The following RFX2 variants were observed in gnomAD, a reference collection of about 807,000 sequenced individuals.
RFX2 encodes regulatory factor X2.
A neutral mutation model predicts 87.8 loss-of-function variants in RFX2; 20 were observed. That is an observed-to-expected ratio of 0.23 (90% confidence interval 0.16 to 0.33). The LOEUF (loss-of-function observed/expected upper bound fraction) is 0.33, where lower values mean the gene tolerates loss of function less well. Among genes scored for constraint, RFX2 ranks in the 10% least tolerant of loss-of-function variants. The pLI is 1.00. For synonymous variants in RFX2, 397 were observed against 431.3 expected (o/e 0.92, Z 0.98); for missense variants, 767 against 1,012.3 (o/e 0.76, Z 3.29).
In RFX2 at chr19:5,997,004, C is replaced by T; in HGVS notation, c.2013+56G>A. 1.3e-6 allele frequency: 2 copies of T among 1,553,590 alleles called. No individual in the cohort carries two copies. Among genetic ancestry groups the T allele is most frequent in the Middle Eastern group, 1.7e-4 (1 of 5,740 alleles). The stretch of plus-strand genomic sequence containing the variant: ...TCTCTGGGCTGCTCAGAGCACACCG[C>T]CCTCTCCCCACAGGCCCGGCCAAGC... On this transcript the variant is annotated intron_variant, in intron 16 of 17. Coordinates refer to ENST00000303657, the MANE Select transcript of RFX2 (RefSeq NM_000635.4). This position sits in a 1 kb window ranked among gnomAD's most constrained non-coding sequence, Gnocchi z 4.2.
chr19:6,003,469 A>G (rs976581866), intron 13 of RFX2, among the ~76,000 whole-genome samples: 3 of 151,984 alleles, frequency 2.0e-5, no homozygotes, highest in African/African-American at 7.2e-5. Context: ...CTCTCACCCA[A>G]GAGCCCTTCA....
chr19:5,994,894 C>A lies in RFX2; in HGVS notation c.2113G>T (p.Gly705Cys). 1 of 1,610,450 alleles carries A rather than the reference C, an allele frequency of 6.2e-7. No individual in the cohort carries two copies. ...CGCTCCCGCTTTACCAGGGGCTCAC[C>A]CAGGCTGCGGGCGTCTGGGCCCGCC... ...SEAGPDARSL[G>C]EPLVKRERSD... Residue 705 changes from glycine (G) to cysteine (C), a missense_variant, in exon 18 of 18, where the codon GGT (glycine) becomes TGT (cysteine). Coordinates refer to ENST00000303657, the MANE Select transcript of RFX2 (RefSeq NM_000635.4).
chr19:6,032,492 G>C (rs2086965489), intron 5 of RFX2, among the ~76,000 whole-genome samples: 1 of 152,196 alleles, frequency 6.6e-6, no homozygotes, highest in Non-Finnish European at 1.5e-5. Flanking sequence ...AGGCAGAGTG[G>C]TAAATCATAG....
chr19:6,006,460 ATTTTT>A (rs35404707), intron 12 of RFX2, among the ~76,000 whole-genome samples: 3 of 108,564 alleles, frequency 2.8e-5, no homozygotes, highest in Admixed American at 9.2e-5. Context: ...TGCCCAGCTC[ATTTTT>A]TTTTTTTTTT....
rs2086653018 is a variant in RFX2 at position 6,011,010 on chromosome 19, G to T, written c.900-759C>A. On this transcript the variant is annotated intron_variant, in intron 8 of 17. Transcript: ENST00000303657. This position sits in a 1 kb window ranked among gnomAD's most constrained non-coding sequence, Gnocchi z 4.8. ...GCATGCCTTTAATCCCAGCGACTCA[G>T]GAGGCTGAGGCAGGAGAATCACTTG... Among the ~76,000 whole-genome samples the T allele has an allele frequency of 6.6e-6, 1 of 152,212 alleles. No homozygotes were observed. The highest frequency in any genetic ancestry group is 2.1e-4 in the South Asian group (1 of 4,822).
chr19:6,087,231 C>T (rs1030572634), intron 1 of RFX2, among the ~76,000 whole-genome samples: 2 of 152,076 alleles, frequency 1.3e-5, no homozygotes, highest in African/African-American at 4.8e-5. Flanking sequence ...AGGGGCGAAG[C>T]GAGACGCACA....
At chr19:6,104,669 G>C (rs533351433) in intron 1 of RFX2, among the ~76,000 whole-genome samples, 3 of 152,074 alleles carry the variant, frequency 2.0e-5, no homozygotes, top group African/African-American at 7.2e-5. Flanking sequence ...AGCCTCCCAG[G>C]TAGCTGAGAT....
At chr19:6,081,293 G>A (rs752612322) in intron 1 of RFX2, among the ~76,000 whole-genome samples, 3 of 152,202 alleles carry the variant, frequency 2.0e-5, no homozygotes, top group Non-Finnish European at 4.4e-5. Context: ...AGGATTGATT[G>A]AGGCCAACCA....
At chr19:6,000,260 C>T (rs2086473877) in intron 15 of RFX2, among the ~76,000 whole-genome samples, 2 of 152,230 alleles carry the variant, frequency 1.3e-5, no homozygotes, top group African/African-American at 2.4e-5. Context: ...GTGGGGATTA[C>T]AGGCATGAGC....
At position 6,002,389 on chromosome 19, in the gene RFX2, G is replaced by A. The variant is rs992976933; in HGVS notation, c.1650+332C>T. On this transcript the variant is annotated intron_variant, in intron 14 of 17. Coordinates refer to ENST00000303657, the MANE Select transcript of RFX2 (RefSeq NM_000635.4). The surrounding 1 kb of genome is among the most constrained non-coding windows in gnomAD (Gnocchi z 6.7). ...CATAGCTCGGAAGCTGCTGTGGGCC[G>A]ACACTTTGCCAAGCCCAGGGGACAG... is the stretch of plus-strand genomic sequence containing the variant. Among the ~76,000 whole-genome samples the A allele has an allele frequency of 1.3e-5, 2 of 152,262 alleles. No individual in the cohort carries two copies. The highest frequency in any genetic ancestry group is 4.8e-5 in the African/African-American group (2 of 41,470).
chr19:6,026,213 G>C lies in RFX2; in HGVS notation c.547C>G (p.Gln183Glu). ...TGTGATGTGATTCCTTCGCTTTTTTGGAGGTTTTCAATCGCCATTTCAAGC... is the reference window on the plus strand; with the variant it reads ...TGTGATGTGATTCCTTCGCTTTTTTCGAGGTTTTCAATCGCCATTTCAAGC... ...ATLEMAIENL[Q>E]KSEGITSHKS... is the part of the protein sequence containing the mutation. Residue 183 changes from glutamine to glutamate, a missense_variant, in exon 6 of 18, where the codon CAA becomes GAA. Gln to Glu is a conservative substitution (Grantham distance 29). This residue lies in a region of RFX2 where 621 missense variants were observed against 873.0 expected (regional missense o/e 0.71). Coordinates refer to ENST00000303657, the MANE Select transcript of RFX2 (RefSeq NM_000635.4). The surrounding 1 kb of genome is among the most constrained non-coding windows in gnomAD (Gnocchi z 4.5). 1 of 1,613,052 alleles carries C rather than the reference G, an allele frequency of 6.2e-7. No homozygotes were observed. The highest frequency in any genetic ancestry group is 8.5e-7 in the Non-Finnish European group (1 of 1,179,732).
At position 5,995,595 on chromosome 19, in the gene RFX2, A is replaced by T. The variant is rs2086395897; in HGVS notation, c.2056+6T>A. On this transcript the variant is annotated splice_donor_region_variant and intron_variant, in intron 17 of 17. Transcript: ENST00000303657. Reference sequence around the variant, plus strand: ...GTCGTGGTGGGAAAGCCGCAGACGCACCTACCTTTGTCGAGCAGCGTCAGC... The same window carrying T: ...GTCGTGGTGGGAAAGCCGCAGACGCTCCTACCTTTGTCGAGCAGCGTCAGC... 1 of 1,551,944 alleles carries T rather than the reference A, an allele frequency of 6.4e-7. No homozygotes were observed. The highest frequency in any genetic ancestry group is 8.7e-7 in the Non-Finnish European group (1 of 1,147,198).
In RFX2 at chr19:6,063,547, T is replaced by C. The variant is rs2087469405; in HGVS notation, c.-8-16043A>G. Among the ~76,000 whole-genome samples the C allele has an allele frequency of 6.6e-6, 1 of 152,090 alleles. No homozygotes were observed. The highest frequency in any genetic ancestry group is 6.5e-5 in the Admixed American group (1 of 15,284). On this transcript the variant is annotated intron_variant, in intron 1 of 17. Coordinates refer to ENST00000303657, the MANE Select transcript of RFX2 (RefSeq NM_000635.4). This position sits in a 1 kb window ranked among gnomAD's most constrained non-coding sequence, Gnocchi z 4.0. Reference sequence around the variant, plus strand: ...CTGGGCAGCCCTCTGTCCCTCAAAGTCCACCCGCCCATGACAGCTAAGATT... The same window carrying C: ...CTGGGCAGCCCTCTGTCCCTCAAAGCCCACCCGCCCATGACAGCTAAGATT...
intron 1 of RFX2, among the ~76,000 whole-genome samples, chr19:6,065,220 A>G (rs1033032429): frequency 3.9e-5 from 6 of 152,170 alleles, no homozygotes; most frequent in Middle Eastern, 3.2e-3. Flanking sequence ...TTGCAGGACA[A>G]ATAATGTATT....
At chr19:6,018,255 C>T (rs2086757882) in intron 6 of RFX2, among the ~76,000 whole-genome samples, 1 of 152,214 alleles carries the variant, frequency 6.6e-6, no homozygotes, top group Admixed American at 6.5e-5. Flanking sequence ...CAGGCGTGAG[C>T]CACCGCGCCC....
At chr19:6,107,014 G>A (rs1287704678) in intron 1 of RFX2, among the ~76,000 whole-genome samples, 2 of 151,866 alleles carry the variant, frequency 1.3e-5, no homozygotes, top group South Asian at 4.1e-4. Flanking sequence ...CACAGGTGCC[G>A]GCCGGGCGCG....
chr19:6,080,202 A>G (rs1006454276), intron 1 of RFX2, among the ~76,000 whole-genome samples: 5 of 138,508 alleles, frequency 3.6e-5, no homozygotes, highest in Non-Finnish European at 6.3e-5. Flanking sequence ...TGCCTGGTTA[A>G]TGTGTGTGTG....
chr19:6,097,119 G>T (rs936581370), intron 1 of RFX2, among the ~76,000 whole-genome samples: 1 of 152,192 alleles, frequency 6.6e-6, no homozygotes, highest in African/African-American at 2.4e-5. Context: ...GGGTTAGTGG[G>T]GGTGAAGCAG....
At chr19:6,062,515 G>C (rs1002228519) in intron 1 of RFX2, among the ~76,000 whole-genome samples, 1 of 152,186 alleles carries the variant, frequency 6.6e-6, no homozygotes, top group African/African-American at 2.4e-5. Context: ...TTTATGACTA[G>C]AGCCTCCGGA....
Sources: gnomAD v4.1 joint callset for allele counts (sites outside exome capture counted in the v4.1 genomes callset) on GRCh38, gnomAD v4.1.1 for gene constraint, gnomAD v4.1.1 regional missense constraint, Gnocchi (gnomAD v3.1) non-coding constraint, MANE v1.5 for transcripts, NCBI Gene and HGNC (gene_info 2026-07-23, HGNC 2026-07-21) for gene names.